The following ZDHHC14 variants were observed in gnomAD, a reference collection of about 807,000 sequenced individuals.
The protein encoded by ZDHHC14 is palmitoyltransferase ZDHHC14.
A neutral mutation model predicts 47.7 loss-of-function variants in ZDHHC14; 16 were observed. The ratio of observed to expected loss-of-function variants is 0.34; its 90% CI spans 0.23 to 0.51. The LOEUF is 0.51. ZDHHC14 is among the 20% of genes least tolerant of loss of function. The pLI is 0.97. For missense variants in ZDHHC14, 515 were observed against 662.5 expected (o/e 0.78, Z 2.44); for synonymous variants, 293 against 278.9 (o/e 1.05, Z -0.50).
chr6:157,629,803 CAA>C lies in ZDHHC14; in HGVS notation c.703+1319_703+1320del. Reference sequence around the variant, plus strand: ...CAGGGGCACCCTCTCCCTCTATTTTCAAAGTCCTCAAAATGGCAAAAATGTGG... The same window carrying C: ...CAGGGGCACCCTCTCCCTCTATTTTCAGTCCTCAAAATGGCAAAAATGTGG... On this transcript the variant is annotated intron_variant, in intron 4 of 8. Coordinates refer to ENST00000359775, the MANE Select transcript of ZDHHC14 (RefSeq NM_024630.3). 2.0e-5 allele frequency: 3 copies of C among 152,222 alleles called. No individual in the cohort carries two copies. The East Asian group carries it at 5.8e-4, about 29-fold the overall frequency. 9.4% of individuals were successfully genotyped at this position (152,222 alleles called of 1,614,324 possible).
chr6:157,551,248 G>T (rs1782218878), intron 2 of ZDHHC14, among the ~76,000 whole-genome samples: 1 of 152,082 alleles, frequency 6.6e-6, no homozygotes, highest in African/African-American at 2.4e-5. Context: ...GCCACTGCAG[G>T]GCTCTGAGTC....
At chr6:157,604,415 G>A (rs1784450143) in intron 3 of ZDHHC14, among the ~76,000 whole-genome samples, 1 of 152,174 alleles carries the variant, frequency 6.6e-6, no homozygotes, top group Admixed American at 6.5e-5. Context: ...CGATATCTGA[G>A]GGAGGTCCTG....
intron 1 of ZDHHC14, among the ~76,000 whole-genome samples, chr6:157,493,849 C>T (rs1779989605): frequency 6.6e-6 from 1 of 152,246 alleles, no homozygotes; most frequent in South Asian, 2.1e-4. Flanking sequence ...GGGACTGGTT[C>T]TTGCCCAGGG....
intron 1 of ZDHHC14, among the ~76,000 whole-genome samples, chr6:157,519,932 T>A (rs1265988995): frequency 6.6e-6 from 1 of 152,144 alleles, no homozygotes; most frequent in Non-Finnish European, 1.5e-5. Context: ...GTGAAGTGAA[T>A]GCCCAGAATG....
chr6:157,672,624 A>ACCCCCCCC, intron 8 of ZDHHC14, 100 bp from the exon 9 acceptor site: 1 of 273,144 alleles, frequency 3.7e-6, no homozygotes, highest in Non-Finnish European at 7.2e-6. Flanking sequence ...CTCTTCTCGC[A>ACCCCCCCC]CCCCACCCTC....
intron 5 of ZDHHC14, among the ~76,000 whole-genome samples, chr6:157,634,443 A>G (rs1776865442): frequency 6.6e-6 from 1 of 151,966 alleles, no homozygotes; most frequent in African/African-American, 2.4e-5. Flanking sequence ...CCTCTCCCCA[A>G]CTCTACCAGG....
At chr6:157,403,644 A>G (rs1777688465) in intron 1 of ZDHHC14, among the ~76,000 whole-genome samples, 1 of 152,236 alleles carries the variant, frequency 6.6e-6, no homozygotes, top group South Asian at 2.1e-4. Flanking sequence ...CAAACAACCA[A>G]CCTACAAATT....
chr6:157,524,452 A>G (rs1189941382), intron 1 of ZDHHC14, among the ~76,000 whole-genome samples: 1 of 152,140 alleles, frequency 6.6e-6, no homozygotes, highest in African/African-American at 2.4e-5. Context: ...ATTTTTTTTA[A>G]TAGATACTAG....
intron 1 of ZDHHC14, among the ~76,000 whole-genome samples, chr6:157,411,929 A>T (rs1777878333): frequency 6.6e-6 from 1 of 151,128 alleles, no homozygotes; most frequent in African/African-American, 2.4e-5. Flanking sequence ...ACATATATAT[A>T]TATTTATATT....
At position 157,677,850 on chromosome 6, in the gene ZDHHC14, T is replaced by TTAAAAA. The variant is rs575524037; in HGVS notation, c.*4728_*4729insTAAAAA. ...AATAGAGATGGTTTTAGCCTGCAAT[T>TTAAAAA]AAAAAAAAAAAAAAAAACGGTTGAA... On this transcript the variant is annotated 3_prime_UTR_variant, in exon 9 of 9. Transcript: ENST00000359775. 2.5e-5 allele frequency: 3 copies of TTAAAAA among 120,008 alleles called. No individual in the cohort carries two copies. The highest frequency in any genetic ancestry group is 8.8e-5 in the African/African-American group (3 of 34,008). The allele number at this position is 120,008 out of a possible 1,614,324, so 7.4% of individuals were successfully genotyped here. A position where few individuals can be genotyped will look rare whatever the true frequency, so the allele number is the denominator to read the frequency against.
At chr6:157,667,277 A>G (rs529515535) in intron 8 of ZDHHC14, among the ~76,000 whole-genome samples, 7 of 152,292 alleles carry the variant, frequency 4.6e-5, no homozygotes, top group African/African-American at 1.4e-4. Flanking sequence ...AAACATAACC[A>G]ACGGCTTCTT....
chr6:157,642,680 C>T (rs546786133), intron 5 of ZDHHC14, among the ~76,000 whole-genome samples: 3 of 152,264 alleles, frequency 2.0e-5, no homozygotes, highest in South Asian at 4.2e-4. Flanking sequence ...AAATTGGCTT[C>T]CAGTAGAATT....
chr6:157,580,850 T>TA (rs952188279), intron 2 of ZDHHC14, among the ~76,000 whole-genome samples: 3 of 152,068 alleles, frequency 2.0e-5, no homozygotes, highest in African/African-American at 7.2e-5. Context: ...TCTATCTTAT[T>TA]AATTTTTTCA....
intron 3 of ZDHHC14, among the ~76,000 whole-genome samples, chr6:157,627,895 C>G (rs148614446): frequency 2.0e-5 from 3 of 152,172 alleles, no homozygotes; most frequent in African/African-American, 7.2e-5. Flanking sequence ...TGTCCCAGGC[C>G]CCTTGTGGCC....
intron 2 of ZDHHC14, among the ~76,000 whole-genome samples, chr6:157,557,357 C>T (rs926425374): frequency 3.3e-5 from 5 of 152,028 alleles, no homozygotes; most frequent in Admixed American, 1.3e-4. Flanking sequence ...TTCTGCCAGG[C>T]GTCAGGATTG....
intron 1 of ZDHHC14, among the ~76,000 whole-genome samples, chr6:157,434,153 A>C (rs952244631): frequency 1.1e-4 from 16 of 151,972 alleles, no homozygotes; most frequent in African/African-American, 3.9e-4. Flanking sequence ...GAAAAACGGT[A>C]TTAGTATTAG....
At chr6:157,621,192 A>C (rs565388951) in intron 3 of ZDHHC14, among the ~76,000 whole-genome samples, 40 of 152,300 alleles carry the variant, frequency 2.6e-4, no homozygotes, top group African/African-American at 9.4e-4. Flanking sequence ...CAGCTAGTTT[A>C]ATATTTAAAT....
intron 1 of ZDHHC14, among the ~76,000 whole-genome samples, chr6:157,522,838 TTCCTTCCTTCCTTTCCTCCC>T (rs1780988829): frequency 2.3e-5 from 1 of 44,020 alleles, no homozygotes; most frequent in Non-Finnish European, 3.8e-5. Flanking sequence ...CCTCCCTCCC[TTCCTTCCTTCCTTTCCTCCC>T]TTCTTCCCTT....
chr6:157,590,538 A>T (rs1783869690), intron 2 of ZDHHC14, among the ~76,000 whole-genome samples: 1 of 152,198 alleles, frequency 6.6e-6, no homozygotes. Context: ...GAAGACAATA[A>T]TTGAGGTTTG....
Sources: gnomAD v4.1 joint callset for allele counts (sites outside exome capture counted in the v4.1 genomes callset) on GRCh38, gnomAD v4.1.1 for gene constraint, MANE v1.5 for transcripts, NCBI Gene and HGNC (gene_info 2026-07-23, HGNC 2026-07-21) for gene names.